The following NTRK2 variants were observed in gnomAD, a reference collection of about 807,000 sequenced individuals.
NTRK2 encodes BDNF/NT-3 growth factors receptor.
In NTRK2, 13 loss-of-function variants were observed where a neutral mutation model predicts 94.5. That is an observed-to-expected ratio of 0.14 (90% CI 0.09 to 0.22). The LOEUF is 0.22. Among genes scored for constraint, NTRK2 ranks in the 10% least tolerant of loss-of-function variants. The pLI, the probability that NTRK2 is intolerant of heterozygous loss-of-function variation, is 1.00. For synonymous variants in NTRK2, 372 were observed against 407.4 expected (o/e 0.91, Z 1.05); for missense variants, 639 against 1,071.2 (o/e 0.60, Z 5.63).
intron 12 of NTRK2, among the ~76,000 whole-genome samples, chr9:84,825,203 T>A (rs1298662725): frequency 6.6e-6 from 1 of 152,086 alleles, no homozygotes; most frequent in Admixed American, 6.6e-5. Context: ...ACCCCCACCC[T>A]GTCTACCATC....
intron 12 of NTRK2, among the ~76,000 whole-genome samples, chr9:84,857,076 T>C (rs528550957): frequency 6.6e-6 from 1 of 152,036 alleles, no homozygotes; most frequent in Non-Finnish European, 1.5e-5. Context: ...ATGTTTTAGC[T>C]CTTTCCTTTA....
intron 2 of NTRK2, among the ~76,000 whole-genome samples, chr9:84,690,200 A>G (rs1313329003): frequency 6.6e-6 from 1 of 152,202 alleles, no homozygotes; most frequent in African/African-American, 2.4e-5. Flanking sequence ...TTGTGCCAAT[A>G]TCAAAACAGA....
At chr9:84,998,273 G>T (rs190155296) in intron 17 of NTRK2, among the ~76,000 whole-genome samples, 267 of 152,130 alleles carry the variant, frequency 1.8e-3, no homozygotes, top group Non-Finnish European at 3.0e-3. Flanking sequence ...TTTTGCTCTT[G>T]CCCCACTTCA....
chr9:84,918,556 G>A (rs985091427), intron 14 of NTRK2, among the ~76,000 whole-genome samples: 5 of 152,096 alleles, frequency 3.3e-5, no homozygotes, highest in African/African-American at 1.2e-4. Flanking sequence ...GAAAAGCCTG[G>A]GATAGAAGAC....
At chr9:84,724,435 G>A in intron 8 of NTRK2, 79 bp downstream of exon 8, 1 of 1,553,268 alleles carries the variant, frequency 6.4e-7, no homozygotes, top group South Asian at 1.1e-5. Flanking sequence ...GGCACTCTGG[G>A]TGCTGCTTAA....
At chr9:84,914,497 G>C (rs1288112728) in intron 14 of NTRK2, among the ~76,000 whole-genome samples, 2 of 152,282 alleles carry the variant, frequency 1.3e-5, no homozygotes, top group Admixed American at 1.3e-4. Context: ...ACTCCACCAG[G>C]GGAAAGGGGG....
intron 12 of NTRK2, among the ~76,000 whole-genome samples, chr9:84,843,009 T>G (rs995067036): frequency 6.6e-6 from 1 of 152,196 alleles, no homozygotes. Flanking sequence ...CATATTCACT[T>G]TGCTTCATTT....
chr9:84,816,923 G>T (rs1193399360), intron 12 of NTRK2, among the ~76,000 whole-genome samples: 1 of 152,168 alleles, frequency 6.6e-6, no homozygotes, highest in Non-Finnish European at 1.5e-5. Context: ...ATTTGGAGTG[G>T]CAGGCATTTG....
At chr9:84,880,523 T>C (rs1002664607) in intron 14 of NTRK2, among the ~76,000 whole-genome samples, 1 of 152,202 alleles carries the variant, frequency 6.6e-6, no homozygotes, top group Non-Finnish European at 1.5e-5. Context: ...ACTGGCTAAT[T>C]GAATGGAGTC....
At chr9:84,833,568 AAG>A (rs1404682145) in intron 12 of NTRK2, among the ~76,000 whole-genome samples, 7 of 151,526 alleles carry the variant, frequency 4.6e-5, no homozygotes, top group African/African-American at 1.7e-4. Context: ...GGAAGAATAA[AAG>A]AGGAGAGACA....
chr9:84,844,371 A>T (rs2074352063), intron 12 of NTRK2, among the ~76,000 whole-genome samples: 1 of 152,196 alleles, frequency 6.6e-6, no homozygotes, highest in Non-Finnish European at 1.5e-5. Flanking sequence ...TAAACATATT[A>T]CAGACTCCTC....
intron 14 of NTRK2, among the ~76,000 whole-genome samples, chr9:84,870,331 GTATATATA>G (rs1158637577): frequency 0.01 from 322 of 31,180 alleles, 7 homozygotes; most frequent in African/African-American, 0.025. Flanking sequence ...GTGTGTGTGT[GTATATATA>G]TATATATATA....
Position 84,955,330 on chromosome 9 carries a change from C to T in NTRK2, c.1985C>T (p.Thr662Met), listed in dbSNP as rs2132973343. ...CTGATGGCTGAGGGCAACCCGCCCA[C>T]GGAACTGACGCAGTCGCAGATGCTG... ...AVLMAEGNPP[T>M]ELTQSQMLHI... The change falls in exon 17 of 19, where the codon ACG becomes ATG. Residue 662 changes from threonine to methionine, a missense_variant. By Grantham distance (81) the Thr-to-Met change is moderately conservative. Transcript: ENST00000277120. 3 of 1,611,414 alleles carry T rather than the reference C, an allele frequency of 1.9e-6. No homozygotes were observed. The highest frequency in any genetic ancestry group is 2.5e-6 in the Non-Finnish European group (3 of 1,178,784).
chr9:84,798,524 G>A (rs149625234), intron 12 of NTRK2, among the ~76,000 whole-genome samples: 4 of 152,138 alleles, frequency 2.6e-5, no homozygotes, highest in Admixed American at 1.3e-4. Context: ...CTGGCCCTGT[G>A]CCCTGGAGCA....
At chr9:84,974,966 T>C (rs1473144042) in intron 17 of NTRK2, among the ~76,000 whole-genome samples, 2 of 152,064 alleles carry the variant, frequency 1.3e-5, no homozygotes, top group South Asian at 2.1e-4. Context: ...TTGAATGAGA[T>C]CAGGATGTTC....
chr9:84,849,198 G>A (rs960621326), intron 12 of NTRK2, among the ~76,000 whole-genome samples: 8 of 152,102 alleles, frequency 5.3e-5, no homozygotes, highest in African/African-American at 1.9e-4. Context: ...TTGGCAGGGG[G>A]GACTCTATTC....
chr9:84,917,220 G>A (rs1204156268), intron 14 of NTRK2, among the ~76,000 whole-genome samples: 3 of 152,140 alleles, frequency 2.0e-5, no homozygotes, highest in African/African-American at 7.2e-5. Flanking sequence ...TTATGTAAGT[G>A]CATTTGACCC....
intron 12 of NTRK2, among the ~76,000 whole-genome samples, chr9:84,818,775 G>T (rs1402858456): frequency 6.6e-6 from 1 of 152,148 alleles, no homozygotes; most frequent in Non-Finnish European, 1.5e-5. Flanking sequence ...GAAACCTTGC[G>T]AGTGGAAAGG....
intron 11 of NTRK2, among the ~76,000 whole-genome samples, chr9:84,750,584 A>C (rs558528615): frequency 1.3e-5 from 2 of 152,330 alleles, no homozygotes; most frequent in African/African-American, 4.8e-5. Flanking sequence ...TTGTAAATAA[A>C]GTTTTATTGG....
Sources: allele counts gnomAD v4.1 joint callset (sites outside exome capture counted in the v4.1 genomes callset), GRCh38; gene constraint gnomAD v4.1.1; transcripts MANE v1.5; gene names NCBI Gene and HGNC (gene_info 2026-07-23, HGNC 2026-07-21).